The following BRWD1 variants were observed in gnomAD, a reference collection of about 807,000 sequenced individuals.
BRWD1 encodes bromodomain and WD repeat domain containing 1, also known as bromodomain and WD repeat-containing protein 1.
A neutral mutation model predicts 251.2 loss-of-function variants in BRWD1; 82 were observed. The ratio of observed to expected loss-of-function variants is 0.33; its 90% CI spans 0.27 to 0.39. BRWD1 has a LOEUF of 0.39. BRWD1 is among the 10% of genes least tolerant of loss of function. The probability of loss-of-function intolerance (pLI) is 1.00; values close to 1 mark genes in which losing one functional copy is unlikely to be tolerated. For missense variants in BRWD1, 2,233 were observed against 2,711.6 expected, an observed-to-expected ratio of 0.82 and a Z score of 3.92; for synonymous variants, 918 against 902.8, an observed-to-expected ratio of 1.02 and a Z score of -0.30.
rs1431773783 is a variant in BRWD1 at position 39,198,750 on chromosome 21, T to C, written c.5653+13A>G. The C allele has an allele frequency of 1.9e-6, 3 of 1,552,366 alleles. No homozygotes were observed. In the African/African-American group the frequency reaches 4.1e-5, roughly 21 times the overall value. On this transcript the variant is annotated intron_variant, in intron 40 of 40. Transcript: ENST00000342449. ...GAGTCAATCAGTGAACAAAGATAAA[T>C]GTTTTGAATTACCTTTCATAAAATT...
chr21:39,275,487 T>C (rs868357743), intron 12 of BRWD1, among the ~76,000 whole-genome samples: 5 of 152,254 alleles, frequency 3.3e-5, no homozygotes, highest in Non-Finnish European at 4.4e-5. Flanking sequence ...CCCCAACCCC[T>C]GCCCTAGACA....
chr21:39,191,985 A>G lies in BRWD1; in HGVS notation c.*4274T>C. 3.0e-6 allele frequency: 3 copies of G among 985,282 alleles called. No individual in the cohort carries two copies. The highest frequency in any genetic ancestry group is 3.6e-6 in the Non-Finnish European group (3 of 829,814). The allele number at this position is 985,282 out of a possible 1,614,324, so 61.0% of individuals were successfully genotyped here. On this transcript the variant is annotated 3_prime_UTR_variant, in exon 41 of 41. Transcript: ENST00000342449. The stretch of plus-strand genomic sequence containing the variant: ...TCTAATTATTTACATGTTGCCAAAG[A>G]TAGAGCCTGCAGATTGGTAGAATCC...
chr21:39,255,909 C>A, intron 18 of BRWD1, 81 bp from the exon 19 acceptor site: 1 of 1,219,350 alleles, frequency 8.2e-7, no homozygotes. Flanking sequence ...ACACGTTCAC[C>A]TAAGATGCGC....
At chr21:39,215,540 C>T (rs1286947959) in intron 31 of BRWD1, among the ~76,000 whole-genome samples, 178 bp from the exon 32 acceptor site, 2 of 152,186 alleles carry the variant, frequency 1.3e-5, no homozygotes, top group Non-Finnish European at 1.5e-5. Flanking sequence ...ATACATTGGA[C>T]ACCGAAGCAA....
rs1446510868 is a variant in BRWD1 at position 39,195,656 on chromosome 21, A to G, written c.*603T>C. On this transcript the variant is annotated 3_prime_UTR_variant, in exon 41 of 41. Coordinates refer to ENST00000342449, the MANE Select transcript of BRWD1 (RefSeq NM_033656.4). ...TTTTCCTTAAGAAGAAAAAAACCCA[A>G]CAGCACTTGGGAAGAAAATTAGAAA... 2.0e-6 allele frequency: 2 copies of G among 985,336 alleles called. No homozygotes were observed. Among genetic ancestry groups the G allele is most frequent in the African/African-American group, 3.5e-5 (2 of 57,180 alleles). The allele number at this position is 985,336 out of a possible 1,614,324, so 61.0% of individuals were successfully genotyped here. A position where few individuals can be genotyped will look rare whatever the true frequency, so the allele number is the denominator to read the frequency against.
chr21:39,238,224 C>A, intron 22 of BRWD1, among the ~76,000 whole-genome samples: 1 of 147,626 alleles, frequency 6.8e-6, no homozygotes, highest in African/African-American at 2.5e-5. Context: ...TAAGTGCAAC[C>A]AAGATTAAAT....
intron 29 of BRWD1, among the ~76,000 whole-genome samples, chr21:39,222,782 AAGATTTTTGCAGCACATAAATATATCCCC>A (rs2033229059): frequency 6.6e-6 from 1 of 152,234 alleles, no homozygotes; most frequent in South Asian, 2.1e-4. Context: ...CATAAGAAAC[AAGATTTTTGCAGCACATAAATATATCCCC>A]ATGGGACACT....
At position 39,190,323 on chromosome 21, in the gene BRWD1, T is replaced by C. The variant is rs1485908868; in HGVS notation, c.*5936A>G. On this transcript the variant is annotated 3_prime_UTR_variant, in exon 41 of 41. Transcript: ENST00000342449. ...TCCTAAATTCAAAGTAAACTGCATATGGTTACTACAGAAGCATTATAAAAT... is the reference window on the plus strand; with the variant it reads ...TCCTAAATTCAAAGTAAACTGCATACGGTTACTACAGAAGCATTATAAAAT... 1 of 984,746 alleles carries C rather than the reference T, an allele frequency of 1.0e-6. No individual in the cohort carries two copies. Among genetic ancestry groups the C allele is most frequent in the African/African-American group, 1.7e-5 (1 of 57,224 alleles). The allele number at this position is 984,746 out of a possible 1,614,324, so 61.0% of individuals were successfully genotyped here.
rs760517295 is a variant in BRWD1, at chr21:39,293,838, T to C, written c.804A>G (p.Gly268=). The change falls in exon 8 of 41, where the codon GGA becomes GGG. Residue 268 remains glycine (G), a synonymous_variant. Coordinates refer to ENST00000342449, the MANE Select transcript of BRWD1 (RefSeq NM_033656.4). ...RTCAPVAVLQ[G]HTGSITSLQF... ...GTAAAGATGTAATTGATCCTGTGTG[T>C]CCTTGGAGCACAGCAACTGGGGCAC... The C allele has an allele frequency of 3.1e-6, 5 of 1,614,202 alleles. No homozygotes were observed. The Admixed American group carries it at 6.7e-5, about 22-fold the overall frequency.
intron 4 of BRWD1, among the ~76,000 whole-genome samples, chr21:39,306,305 G>A (rs899604943): frequency 2.6e-5 from 4 of 152,056 alleles, no homozygotes; most frequent in Admixed American, 6.6e-5. Context: ...TCTTGACCTT[G>A]TGATCCACCC....
At chr21:39,250,946 T>TA (rs2034374476) in intron 19 of BRWD1, 57 bp from the exon 20 acceptor site, 1 of 1,031,410 alleles carries the variant, frequency 9.7e-7, no homozygotes, top group Non-Finnish European at 1.4e-6. Context: ...AACTAAAGGA[T>TA]ATAAAGAATA....
intron 5 of BRWD1, 49 bp downstream of exon 5, chr21:39,298,383 A>G: frequency 6.8e-7 from 1 of 1,479,606 alleles, no homozygotes; most frequent in Admixed American, 2.5e-5. Flanking sequence ...AATTATAATA[A>G]TTATTAGGCT....
At chr21:39,242,904 A>T (rs2034050972) in intron 21 of BRWD1, among the ~76,000 whole-genome samples, 1 of 152,222 alleles carries the variant, frequency 6.6e-6, no homozygotes, top group South Asian at 2.1e-4. Context: ...CTGAGCAGAA[A>T]AAGAAGACTC....
In BRWD1 at chr21:39,284,550, A is replaced by G. The variant is rs945364750; in HGVS notation, c.832-4302T>C. Among the ~76,000 whole-genome samples the G allele has an allele frequency of 3.4e-4, 52 of 152,350 alleles. 2 individuals are homozygous for G. The highest frequency in any genetic ancestry group is 1.7e-3 in the South Asian group (8 of 4,830). ...TAATTTACATTCTCACCAAAAGTGC[A>G]TAAGAGTTCCCCTTTCTCCACATCC... is the stretch of plus-strand genomic sequence containing the variant. On this transcript the variant is annotated intron_variant, in intron 8 of 40. Coordinates refer to ENST00000342449, the MANE Select transcript of BRWD1 (RefSeq NM_033656.4).
At position 39,206,059 on chromosome 21, in the gene BRWD1, C is replaced by G. The variant is rs751526331; in HGVS notation, c.4364+49G>C. 6 of 1,550,476 alleles carry G rather than the reference C, an allele frequency of 3.9e-6. No individual in the cohort carries two copies. In the South Asian group the frequency reaches 6.0e-5, roughly 16 times the overall value. ...AGCCTGGGTGACACAGTGAGACTCT[C>G]TCCAAAATTAAATAAATAAATAAAG... On this transcript the variant is annotated intron_variant, in intron 37 of 40. Transcript: ENST00000342449.
In BRWD1 at chr21:39,255,830, TA is replaced by T; in HGVS notation, c.2072-3del. On this transcript the variant is annotated splice_polypyrimidine_tract_variant and splice_region_variant and intron_variant, in intron 18 of 40. Coordinates refer to ENST00000342449, the MANE Select transcript of BRWD1 (RefSeq NM_033656.4). The stretch of plus-strand genomic sequence containing the variant: ...TGTCTAAGCTCAGCCTTCTAAAACC[TA>T]GGAAAATATGATGGGGAAGTGATTC... 6.2e-7 allele frequency: 1 copy of T among 1,612,916 alleles called. No homozygotes were observed. Among genetic ancestry groups the T allele is most frequent in the East Asian group, 2.2e-5 (1 of 44,862 alleles).
In BRWD1 at chr21:39,197,273, T is replaced by G. The variant is rs1395372462; in HGVS notation, c.5796A>C (p.Ala1932=). 6.2e-7 allele frequency: 1 copy of G among 1,614,144 alleles called. No individual in the cohort carries two copies. The highest frequency in any genetic ancestry group is 8.5e-7 in the Non-Finnish European group (1 of 1,179,978). The change falls in exon 41 of 41, where the codon GCA becomes GCC. Residue 1932 remains alanine, a synonymous_variant. Transcript: ENST00000342449. ...GCTTGATCTTATTGGCAGCCGTAGC[T>G]GCACATCTTCGAGTAATCCTCAGGA... ...TGLLRITRRC[A]ATAANKIKLM... is the part of the protein sequence containing the mutation.
chr21:39,185,301 A>AAAAAAAAAAAAC, downstream of BRWD1: 2 of 127,840 alleles, frequency 1.6e-5, no homozygotes, highest in Non-Finnish European at 3.1e-5. Context: ...TTGCTAAAAA[A>AAAAAAAAAAAAC]AAAAAAAAAA....
At chr21:39,247,582 T>C in intron 21 of BRWD1, 119 bp downstream of exon 21, 1 of 1,052,524 alleles carries the variant, frequency 9.5e-7, no homozygotes, top group Non-Finnish European at 1.3e-6. Flanking sequence ...TGAAATTTCA[T>C]ATTAATCTCT....
Sources: gnomAD v4.1 joint callset for allele counts (sites outside exome capture counted in the v4.1 genomes callset) on GRCh38, gnomAD v4.1.1 for gene constraint, MANE v1.5 for transcripts, NCBI Gene and HGNC (gene_info 2026-07-23, HGNC 2026-07-21) for gene names.